GABPA: variants seen among roughly 807,000 people sequenced by gnomAD.
The protein encoded by GABPA is GA-binding protein alpha chain.
A neutral mutation model predicts 59.4 loss-of-function variants in GABPA; 4 were observed. The ratio of observed to expected loss-of-function variants is 0.07; its 90% CI spans 0.03 to 0.15. The LOEUF (loss-of-function observed/expected upper bound fraction) is 0.15. Among genes scored for constraint, GABPA ranks in the 10% least tolerant of loss-of-function variants. The pLI is 1.00. For missense variants in GABPA, 251 were observed against 543.8 expected (o/e 0.46, Z 5.36); for synonymous variants, 164 against 183.1 (o/e 0.90, Z 0.84).
At chr21:25,755,272 G>A (rs2035605851) in intron 5 of GABPA, among the ~76,000 whole-genome samples, 1 of 151,770 alleles carries the variant, frequency 6.6e-6, no homozygotes, top group Non-Finnish European at 1.5e-5. Flanking sequence ...TATATAGCCA[G>A]ACTGTCTCCA....
At chr21:25,739,038 T>G (rs2035151334) in intron 1 of GABPA, among the ~76,000 whole-genome samples, 1 of 152,168 alleles carries the variant, frequency 6.6e-6, no homozygotes, top group African/African-American at 2.4e-5. Flanking sequence ...CGCAGTCGGC[T>G]AGATGTGCTT....
At chr21:25,759,367 G>A (rs2035713065) in intron 6 of GABPA, among the ~76,000 whole-genome samples, 1 of 152,106 alleles carries the variant, frequency 6.6e-6, no homozygotes, top group Non-Finnish European at 1.5e-5. Context: ...AGCTCTGGTG[G>A]AGGGATTTTT....
intron 7 of GABPA, chr21:25,763,265 T>C (rs2146096225): frequency 2.6e-5 from 10 of 386,740 alleles, no homozygotes; most frequent in South Asian, 2.2e-4. Context: ...CTGAGCTCTT[T>C]TGGGGCATTT....
At chr21:25,762,978 TGGC>T in intron 7 of GABPA, 1 of 382,026 alleles carries the variant, frequency 2.6e-6, no homozygotes. Flanking sequence ...TACTTTTGCT[TGGC>T]TTTTCCCCTT....
chr21:25,768,966 T>TA, intron 9 of GABPA, 38 bp from the exon 10 acceptor site: 3 of 1,429,846 alleles, frequency 2.1e-6, no homozygotes, highest in Non-Finnish European at 2.9e-6. Context: ...AAGTCTCATT[T>TA]TTTCTGAAGT....
At chr21:25,768,769 T>C (rs919338071) in intron 9 of GABPA, among the ~76,000 whole-genome samples, 7 of 152,252 alleles carry the variant, frequency 4.6e-5, no homozygotes, top group African/African-American at 1.7e-4. Flanking sequence ...GTTGAAAATA[T>C]GTTTTGAAAG....
intron 4 of GABPA, 64 bp from the exon 5 acceptor site, chr21:25,751,925 A>G: frequency 1.9e-6 from 3 of 1,545,306 alleles, no homozygotes; most frequent in Non-Finnish European, 2.7e-6. Context: ...TATAAACTAA[A>G]TTATTTTTTG....
At chr21:25,765,543 T>C (rs1048222445) in intron 9 of GABPA, among the ~76,000 whole-genome samples, 1 of 151,956 alleles carries the variant, frequency 6.6e-6, no homozygotes, top group African/African-American at 2.4e-5. Context: ...GAAATTTTGG[T>C]TCAGCGAGTA....
chr21:25,735,344 GT>G lies in GABPA; in HGVS notation c.-257del. On this transcript the variant is annotated 5_prime_UTR_variant, in exon 1 of 10. Coordinates refer to ENST00000400075, the MANE Select transcript of GABPA (RefSeq NM_002040.4). ...TGAGCCTCCGTTGCCTTGGGCGGTC[GT>G]TTTGCGCACCCTGCCGGGAGTTGTA... 1 of 234,592 alleles carries G rather than the reference GT, an allele frequency of 4.3e-6. No homozygotes were observed. The highest frequency in any genetic ancestry group is 7.0e-5 in the South Asian group (1 of 14,300). The allele number at this position is 234,592 out of a possible 1,614,324, so 14.5% of individuals were successfully genotyped here. A position where few individuals can be genotyped will look rare whatever the true frequency, so the allele number is the denominator to read the frequency against.
chr21:25,759,389 C>T (rs1418444054), intron 6 of GABPA, among the ~76,000 whole-genome samples: 1 of 152,096 alleles, frequency 6.6e-6, no homozygotes, highest in Non-Finnish European at 1.5e-5. Context: ...CACCGTAATT[C>T]AATGCTTGCA....
chr21:25,742,154 G>T (rs1408668689), intron 2 of GABPA, among the ~76,000 whole-genome samples: 1 of 152,228 alleles, frequency 6.6e-6, no homozygotes, highest in Non-Finnish European at 1.5e-5. Context: ...AGCATAAAAT[G>T]TAGTGAAAAG....
chr21:25,747,526 A>G (rs555145179), intron 3 of GABPA, among the ~76,000 whole-genome samples: 2 of 152,368 alleles, frequency 1.3e-5, no homozygotes, highest in East Asian at 3.9e-4. Context: ...TAAAAAGGAT[A>G]TGAGGACCAC....
chr21:25,757,941 A>C (rs2123551490), intron 5 of GABPA, 69 bp from the exon 6 acceptor site: 1 of 782,938 alleles, frequency 1.3e-6, no homozygotes, highest in South Asian at 2.6e-5. Context: ...GTGTGTATTG[A>C]GAAGTTAACT....
intron 8 of GABPA, 71 bp from the exon 9 acceptor site, chr21:25,764,524 C>G: frequency 1.4e-6 from 2 of 1,471,292 alleles, no homozygotes; most frequent in South Asian, 2.4e-5. Flanking sequence ...ACCACGGGAC[C>G]AGTTTGTTGT....
Position 25,769,200 on chromosome 21 carries a change from A to G in GABPA, c.1333A>G (p.Thr445Ala), listed in dbSNP as rs1239846444. The G allele has an allele frequency of 6.2e-7, 1 of 1,601,646 alleles. No individual in the cohort carries two copies. Among genetic ancestry groups the G allele is most frequent in the Admixed American group, 1.7e-5 (1 of 59,912 alleles). The change falls in exon 10 of 10, where the codon ACT becomes GCT. Residue 445 changes from threonine (T) to alanine (A), a missense_variant. Physicochemically the swap from Thr to Ala is moderately conservative, Grantham distance 58. This residue lies in a region of GABPA where 23 missense variants were observed against 60.7 expected (regional missense o/e 0.38). Transcript: ENST00000400075. Reference sequence around the variant, plus strand: ...GCCAGTCACAGCAGTAGCTCTGGCTACTGCTTCTCTGCAAACGGAAAAGGA... The same window carrying G: ...GCCAGTCACAGCAGTAGCTCTGGCTGCTGCTTCTCTGCAAACGGAAAAGGA... The part of the protein sequence containing the change: ...AQPVTAVALA[T>A]ASLQTEKDN
intron 3 of GABPA, among the ~76,000 whole-genome samples, chr21:25,747,235 A>C (rs1432760176): frequency 6.6e-6 from 1 of 152,226 alleles, no homozygotes; most frequent in African/African-American, 2.4e-5. Flanking sequence ...AATATAACTC[A>C]GTGTCACTGG....
At position 25,757,439 on chromosome 21, in the gene GABPA, T is replaced by A. The variant is rs1056390813; in HGVS notation, c.554-571T>A. 2.0e-5 allele frequency among the ~76,000 whole-genome samples: 2 copies of A among 101,156 alleles called. 1 individual carries two copies. The highest frequency in any genetic ancestry group is 6.2e-4 in the South Asian group (2 of 3,252). The allele number at this position is 101,156 out of a possible 152,430, so 66.4% of individuals were successfully genotyped here. Reference sequence around the variant, plus strand: ...GATAGAATGGTTTACAAGACACATTTCTTGTATTTCTTAGTGTGTTGTGAG... The same window carrying A: ...GATAGAATGGTTTACAAGACACATTACTTGTATTTCTTAGTGTGTTGTGAG... On this transcript the variant is annotated intron_variant, in intron 5 of 9. Transcript: ENST00000400075.
In GABPA at chr21:25,735,023, G is replaced by C. The variant is rs1004030356; in HGVS notation, c.-582G>C. On this transcript the variant is annotated 5_prime_UTR_variant, in exon 1 of 10. Coordinates refer to ENST00000400075, the MANE Select transcript of GABPA (RefSeq NM_002040.4). ...AGCGTCTCGGAGACAGTCTGCGACC[G>C]GACGGGTCTAGGTGAGACAGAAGCC... is the stretch of plus-strand genomic sequence containing the variant. The C allele has an allele frequency of 5.9e-6, 9 of 1,513,466 alleles. No individual in the cohort carries two copies. Among genetic ancestry groups the C allele is most frequent in the East Asian group, 4.9e-5 (2 of 40,848 alleles). 93.8% of individuals were successfully genotyped at this position (1,513,466 alleles called of 1,614,324 possible).
chr21:25,771,283 AAC>A lies in GABPA; in HGVS notation c.*2053_*2054del, dbSNP rs1433194186. 4 of 152,016 alleles carry A rather than the reference AAC, an allele frequency of 2.6e-5. No individual in the cohort carries two copies. The highest frequency in any genetic ancestry group is 4.8e-5 in the African/African-American group (2 of 41,444). 9.4% of individuals were successfully genotyped at this position (152,016 alleles called of 1,614,324 possible). ...GTGTGTGTATGTTTTTAAAGCTAAA[AAC>A]ATTACTTTTAGATCCCTAGAATGAA... is the stretch of plus-strand genomic sequence containing the variant. On this transcript the variant is annotated 3_prime_UTR_variant, in exon 10 of 10. Transcript: ENST00000400075.
Sources: gnomAD v4.1 joint callset for allele counts (sites outside exome capture counted in the v4.1 genomes callset) on GRCh38, gnomAD v4.1.1 for gene constraint, gnomAD v4.1.1 regional missense constraint, MANE v1.5 for transcripts, NCBI Gene and HGNC (gene_info 2026-07-23, HGNC 2026-07-21) for gene names.